The following GRM7 variants were observed in gnomAD, a reference collection of about 807,000 sequenced individuals.
GRM7 encodes metabotropic glutamate receptor 7.
Under a neutral mutation model 84.5 loss-of-function variants are expected in GRM7, and 35 were observed. That is an observed-to-expected ratio of 0.41 (90% CI 0.32 to 0.55). The LOEUF is 0.55. GRM7 is among the 20% of genes least tolerant of loss of function. The pLI is 0.19. For missense variants in GRM7, 1,003 were observed against 1,194.6 expected (o/e 0.84, Z 2.36); for synonymous variants, 487 against 455.1 (o/e 1.07, Z -0.89).
At chr3:7,014,951 G>T (rs1203708857) in intron 1 of GRM7, among the ~76,000 whole-genome samples, 1 of 152,170 alleles carries the variant, frequency 6.6e-6, no homozygotes, top group African/African-American at 2.4e-5. Context: ...CTAGCTAGGG[G>T]TTTGTAAAAT....
chr3:6,957,603 C>A (rs1387130775), intron 1 of GRM7, among the ~76,000 whole-genome samples: 3 of 152,152 alleles, frequency 2.0e-5, no homozygotes, highest in Non-Finnish European at 4.4e-5. Flanking sequence ...TTGCTGCAGA[C>A]CAATTTCATT....
intron 1 of GRM7, among the ~76,000 whole-genome samples, chr3:7,075,496 A>ACGTGTGTGTGTGTGTGTGTGTGTGTGTG (rs1491399036): frequency 7.2e-6 from 1 of 138,490 alleles, no homozygotes; most frequent in African/African-American, 2.7e-5. Flanking sequence ...TGCTTCTCAG[A>ACGTGTGTGTGTGTGTGTGTGTGTGTGTG]TGTGTGTGTG....
At chr3:7,538,210 A>G (rs1692660480) in intron 7 of GRM7, among the ~76,000 whole-genome samples, 2 of 152,178 alleles carry the variant, frequency 1.3e-5, no homozygotes, top group Admixed American at 1.3e-4. Context: ...CCCAGATTCA[A>G]GTGATTCTCC....
chr3:7,189,161 T>A (rs187066204), intron 2 of GRM7, among the ~76,000 whole-genome samples: 1 of 152,308 alleles, frequency 6.6e-6, no homozygotes, highest in South Asian at 2.1e-4. Context: ...TACAAATGTA[T>A]GTATATATGT....
chr3:7,420,067 T>TA (rs1296856057), intron 5 of GRM7, among the ~76,000 whole-genome samples: 3 of 152,308 alleles, frequency 2.0e-5, no homozygotes, highest in Middle Eastern at 3.4e-3. Flanking sequence ...GCTAATAGTT[T>TA]AAGTCCTCTT....
intron 5 of GRM7, among the ~76,000 whole-genome samples, chr3:7,448,315 G>T (rs1697615332): frequency 6.6e-6 from 1 of 151,996 alleles, no homozygotes; most frequent in Non-Finnish European, 1.5e-5. Context: ...GATCCCTGAG[G>T]AATCGCCACA....
At chr3:7,181,006 T>C (rs1168890981) in intron 2 of GRM7, among the ~76,000 whole-genome samples, 1 of 152,106 alleles carries the variant, frequency 6.6e-6, no homozygotes, top group African/African-American at 2.4e-5. Context: ...CAATAATGAG[T>C]TTCATTCCAC....
At chr3:7,600,084 A>C (rs1299769128) in intron 8 of GRM7, among the ~76,000 whole-genome samples, 1 of 152,146 alleles carries the variant, frequency 6.6e-6, no homozygotes, top group South Asian at 2.1e-4. Context: ...CACAATTGCT[A>C]TCTGCAGGAT....
At chr3:7,612,636 G>C (rs1696895547) in intron 8 of GRM7, among the ~76,000 whole-genome samples, 1 of 152,182 alleles carries the variant, frequency 6.6e-6, no homozygotes, top group Non-Finnish European at 1.5e-5. Context: ...TTGAGGTTCA[G>C]ACTTCTCCGC....
At chr3:7,264,826 A>C (rs918675059) in intron 2 of GRM7, among the ~76,000 whole-genome samples, 1 of 151,700 alleles carries the variant, frequency 6.6e-6, no homozygotes, top group Non-Finnish European at 1.5e-5. Context: ...CAAAGACTAC[A>C]CCAGAGTTAC....
chr3:7,486,898 A>G lies in GRM7; in HGVS notation c.1515+25176A>G, dbSNP rs147958479. Among the ~76,000 whole-genome samples the G allele has an allele frequency of 0.013, 2,054 of 152,288 alleles. 22 individuals are homozygous for G. The highest frequency in any genetic ancestry group is 0.025 in the Admixed American group (383 of 15,286). On this transcript the variant is annotated intron_variant, in intron 7 of 9. Transcript: ENST00000357716. The surrounding 1 kb of genome is among the most constrained non-coding windows in gnomAD (Gnocchi z 5.5). Reference sequence around the variant, plus strand: ...TGAAGGAGCAGACTAGAAAAAGCCTAGATTCTTGTGAGGACATAGAAGACG... The same window carrying G: ...TGAAGGAGCAGACTAGAAAAAGCCTGGATTCTTGTGAGGACATAGAAGACG...
intron 2 of GRM7, among the ~76,000 whole-genome samples, chr3:7,284,826 G>A (rs1445458325): frequency 6.6e-6 from 1 of 151,920 alleles, no homozygotes; most frequent in African/African-American, 2.4e-5. Flanking sequence ...TATTACAAAA[G>A]TATTTTCAAT....
chr3:7,175,018 C>G (rs1695099339), intron 2 of GRM7, among the ~76,000 whole-genome samples: 1 of 152,148 alleles, frequency 6.6e-6, no homozygotes, highest in Admixed American at 6.5e-5. Flanking sequence ...GAGGTCCCTC[C>G]TTCGGATTAA....
intron 2 of GRM7, among the ~76,000 whole-genome samples, chr3:7,295,929 G>C (rs1477222871): frequency 6.6e-6 from 1 of 151,854 alleles, no homozygotes; most frequent in Non-Finnish European, 1.5e-5. Context: ...TTTTGGCAAG[G>C]GTTTATAGTA....
intron 2 of GRM7, among the ~76,000 whole-genome samples, chr3:7,280,697 T>C (rs558810555): frequency 3.0e-4 from 45 of 152,332 alleles, no homozygotes; most frequent in Non-Finnish European, 5.4e-4. Context: ...AATCATAAAG[T>C]GCTTTGTAAA....
rs1410445564 is a variant in GRM7, at chr3:7,259,953, G to GTTTTTGTTTTT, written c.737-38726_737-38725insGTTTTTTTTTT. Among the ~76,000 whole-genome samples, 4 of 89,668 alleles carry GTTTTTGTTTTT rather than the reference G, an allele frequency of 4.5e-5. 1 individual carries two copies. The highest frequency in any genetic ancestry group is 5.9e-5 in the African/African-American group (1 of 17,046). The allele number at this position is 89,668 out of a possible 152,430, so 58.8% of individuals were successfully genotyped here. Reference sequence around the variant, plus strand: ...TTTCTCTGCAACCTTACCAGCATCTGTTTTTTTTTTTTGACGTTTTAATAA... The same window carrying GTTTTTGTTTTT: ...TTTCTCTGCAACCTTACCAGCATCTGTTTTTGTTTTTTTTTTTTTTTTTGACGTTTTAATAA... On this transcript the variant is annotated intron_variant, in intron 2 of 9. Transcript: ENST00000357716.
Position 7,336,242 on chromosome 3 carries a change from C to T in GRM7, c.1033+29590C>T, listed in dbSNP as rs188428064. On this transcript the variant is annotated intron_variant, in intron 4 of 9. Coordinates refer to ENST00000357716, the MANE Select transcript of GRM7 (RefSeq NM_000844.4). ...TGGGATGCAGGGTTGGTTTAACATA[C>T]GCAAGTCAATAAACTTGATATAGCA... Among the ~76,000 whole-genome samples the T allele has an allele frequency of 3.6e-3, 547 of 152,010 alleles. 5 individuals carry two copies. The highest frequency in any genetic ancestry group is 0.011 in the African/African-American group (460 of 41,516).
rs187673758 is a variant in GRM7 at position 7,332,391 on chromosome 3, C to G, written c.1033+25739C>G. ...CCTTCTGTTTCCATACAGCTATGAT[C>G]AAAGAAAATTTGTGTTGAGAAAGGC... On this transcript the variant is annotated intron_variant, in intron 4 of 9. Transcript: ENST00000357716. Among the ~76,000 whole-genome samples the G allele has an allele frequency of 1.7e-3, 261 of 152,190 alleles. 2 individuals are homozygous for G. Among genetic ancestry groups the G allele is most frequent in the African/African-American group, 5.5e-3 (228 of 41,540 alleles).
At chr3:7,417,712 G>A (rs1007263373) in intron 5 of GRM7, among the ~76,000 whole-genome samples, 23 of 152,124 alleles carry the variant, frequency 1.5e-4, no homozygotes, top group African/African-American at 5.3e-4. Context: ...AAAGAAAAAG[G>A]AAGTCTTATT....
Sources: allele counts gnomAD v4.1 joint callset (sites outside exome capture counted in the v4.1 genomes callset), GRCh38; gene constraint gnomAD v4.1.1; non-coding constraint Gnocchi (gnomAD v3.1); transcripts MANE v1.5; gene names NCBI Gene and HGNC (gene_info 2026-07-23, HGNC 2026-07-21).